The following HSD17B12 variants were observed in gnomAD, a reference collection of about 807,000 sequenced individuals.
HSD17B12 encodes the protein very-long-chain 3-oxoacyl-CoA reductase.
Under a neutral mutation model 39.3 loss-of-function variants are expected in HSD17B12, and 32 were observed. The observed-to-expected ratio is 0.81, with a 90% CI of 0.61 to 1.09. HSD17B12 has a LOEUF of 1.09. Ranked by LOEUF, HSD17B12 falls within the 50% of genes least tolerant of loss-of-function variation. The pLI, the probability that HSD17B12 is intolerant of heterozygous loss-of-function variation, is 0.00. For synonymous variants in HSD17B12, 150 were observed against 146.7 expected, an observed-to-expected ratio of 1.02 and a Z score of -0.16; for missense variants, 342 against 382.9, an observed-to-expected ratio of 0.89 and a Z score of 0.89.
intron 1 of HSD17B12, among the ~76,000 whole-genome samples, chr11:43,683,648 A>G (rs891182478): frequency 2.4e-4 from 36 of 152,314 alleles, no homozygotes; most frequent in African/African-American, 8.7e-4. Context: ...TGTAAATAGT[A>G]CTAGTAAGTT....
intron 3 of HSD17B12, 41 bp downstream of exon 3, chr11:43,754,162 A>T (rs765160018): frequency 7.5e-7 from 1 of 1,340,120 alleles, no homozygotes; most frequent in South Asian, 1.2e-5. Context: ...ATAGCTAATT[A>T]ATGTTTTCAA....
chr11:43,790,137 A>G (rs1247679020), intron 3 of HSD17B12, among the ~76,000 whole-genome samples: 1 of 152,224 alleles, frequency 6.6e-6, no homozygotes, highest in African/African-American at 2.4e-5. Context: ...GTGAACTAAA[A>G]TGTACACCTT....
At chr11:43,664,953 G>C in the HSD17B12 span, among the ~76,000 whole-genome samples, 3 of 152,182 alleles carry the variant, frequency 2.0e-5, no homozygotes, top group Non-Finnish European at 2.9e-5. Context: ...TGAATGAAGA[G>C]CTTATTTATG....
chr11:43,734,634 T>G (rs1348488923), intron 1 of HSD17B12: 1 of 311,912 alleles, frequency 3.2e-6, no homozygotes, highest in Non-Finnish European at 6.2e-6. Context: ...AACACCGCCT[T>G]CCTTCTGCCC....
At chr11:43,596,303 C>T in the HSD17B12 span, among the ~76,000 whole-genome samples, 2 of 152,070 alleles carry the variant, frequency 1.3e-5, no homozygotes, top group African/African-American at 2.4e-5. Flanking sequence ...GAACTGTTCA[C>T]CCTGATGAGA....
chr11:43,591,772 A>G, the HSD17B12 span, among the ~76,000 whole-genome samples: 1 of 151,948 alleles, frequency 6.6e-6, no homozygotes, highest in Non-Finnish European at 1.5e-5. Context: ...ACTAAAGATA[A>G]TTTATCCCAG....
At position 43,794,503 on chromosome 11, in the gene HSD17B12, T is replaced by G. The variant is rs538011003; in HGVS notation, c.284-3817T>G. The stretch of plus-strand genomic sequence containing the variant: ...TAGAAATGTTGAAACCCATTTTAGA[T>G]GTAGCATAACTAAAACTAGGGCATT... On this transcript the variant is annotated intron_variant, in intron 3 of 10. Transcript: ENST00000278353. Among the ~76,000 whole-genome samples the G allele has an allele frequency of 1.2e-4, 18 of 152,334 alleles. 1 individual carries two copies. The highest frequency in any genetic ancestry group is 1.8e-4 in the Non-Finnish European group (12 of 68,032).
Position 43,850,120 on chromosome 11 carries a change from T to C in HSD17B12, c.685-4595T>C, listed in dbSNP as rs1020698811. On this transcript the variant is annotated intron_variant, in intron 9 of 10. Coordinates refer to ENST00000278353, the MANE Select transcript of HSD17B12 (RefSeq NM_016142.3). ...TTTTTCATTGCTATATAACCAGGGA[T>C]CTCTGCACCAGCAGAACAACTCCTT... 3.9e-5 allele frequency among the ~76,000 whole-genome samples: 6 copies of C among 152,288 alleles called. 1 individual carries two copies. The South Asian group carries it at 1.2e-3, about 32-fold the overall frequency.
the HSD17B12 span, among the ~76,000 whole-genome samples, chr11:43,566,136 T>C: frequency 1.3e-5 from 2 of 152,242 alleles, no homozygotes; most frequent in African/African-American, 4.8e-5. Context: ...ATGTAGAAAT[T>C]GTAATAGGGA....
intron 1 of HSD17B12, among the ~76,000 whole-genome samples, chr11:43,717,396 C>A (rs1400545189): frequency 6.6e-6 from 1 of 152,200 alleles, no homozygotes; most frequent in Non-Finnish European, 1.5e-5. Context: ...TTCAAGAATT[C>A]ATTCATTTCC....
At chr11:43,788,006 T>A (rs1209365837) in intron 3 of HSD17B12, among the ~76,000 whole-genome samples, 3 of 152,160 alleles carry the variant, frequency 2.0e-5, no homozygotes, top group Non-Finnish European at 4.4e-5. Context: ...ATTACTTTTT[T>A]AAAAAAATTA....
chr11:43,709,979 G>A (rs1950050004), intron 1 of HSD17B12, among the ~76,000 whole-genome samples: 1 of 152,162 alleles, frequency 6.6e-6, no homozygotes. Context: ...AGGTTTAGGG[G>A]ATGCTAGACT....
In HSD17B12 at chr11:43,830,998, G is replaced by C. The variant is rs767927958; in HGVS notation, c.524G>C (p.Gly175Ala). The C allele has an allele frequency of 5.6e-6, 9 of 1,606,544 alleles. No individual in the cohort carries two copies. The highest frequency in any genetic ancestry group is 1.3e-5 in the African/African-American group (1 of 74,646). ...CAGATGACACAATTGGTACTGCCTGGCATGGTGGAAAGGTGAGTCACAAGC... is the reference window on the plus strand; with the variant it reads ...CAGATGACACAATTGGTACTGCCTGCCATGGTGGAAAGGTGAGTCACAAGC... ...VCKMTQLVLPGMVERSKGAIL... is the reference protein window; with the variant it reads ...VCKMTQLVLPAMVERSKGAIL... The change falls in exon 7 of 11, where the codon GGC becomes GCC. Residue 175 changes from glycine to alanine, a missense_variant. Physicochemically the swap from Gly to Ala is moderately conservative, Grantham distance 60 (BLOSUM62 0). Coordinates refer to ENST00000278353, the MANE Select transcript of HSD17B12 (RefSeq NM_016142.3).
At chr11:43,695,871 G>C (rs771613083) in intron 1 of HSD17B12, among the ~76,000 whole-genome samples, 2 of 152,058 alleles carry the variant, frequency 1.3e-5, no homozygotes, top group Non-Finnish European at 2.9e-5. Context: ...TTTAAGTTCA[G>C]GGGTGCAAGT....
intron 3 of HSD17B12, among the ~76,000 whole-genome samples, chr11:43,775,338 G>A (rs186284154): frequency 2.9e-3 from 435 of 152,282 alleles, no homozygotes; most frequent in Non-Finnish European, 4.8e-3. Context: ...TGCAGCAGTG[G>A]AAAAGTAATA....
chr11:43,584,031 A>G, the HSD17B12 span, among the ~76,000 whole-genome samples: 12 of 152,292 alleles, frequency 7.9e-5, no homozygotes, highest in African/African-American at 2.9e-4. Context: ...ACCTGCCCCC[A>G]GTGGGGAGAG....
At chr11:43,701,189 A>AT (rs1328836157) in intron 1 of HSD17B12, among the ~76,000 whole-genome samples, 4 of 151,968 alleles carry the variant, frequency 2.6e-5, no homozygotes, top group African/African-American at 7.3e-5. Context: ...AGATTATTAG[A>AT]TTTTTTCCTG....
chr11:43,577,189 C>T, the HSD17B12 span, among the ~76,000 whole-genome samples: 4 of 152,316 alleles, frequency 2.6e-5, no homozygotes, highest in East Asian at 7.7e-4. Context: ...ATGCCTTGGT[C>T]CTCAGTGAGT....
intron 3 of HSD17B12, among the ~76,000 whole-genome samples, chr11:43,760,304 C>T (rs1950544975): frequency 6.6e-6 from 1 of 152,114 alleles, no homozygotes; most frequent in Non-Finnish European, 1.5e-5. Flanking sequence ...CCCACCTTGG[C>T]CCCCCAAAGT....
Sources: allele counts gnomAD v4.1 joint callset (sites outside exome capture counted in the v4.1 genomes callset), GRCh38; gene constraint gnomAD v4.1.1; transcripts MANE v1.5; gene names NCBI Gene and HGNC (gene_info 2026-07-23, HGNC 2026-07-21).